The following MTMR7 variants were observed in gnomAD, a reference collection of about 807,000 sequenced individuals.
MTMR7 encodes the protein phosphatidylinositol-3-phosphate phosphatase MTMR7.
In MTMR7, 76 loss-of-function variants were observed where a neutral mutation model predicts 81.2. The ratio of observed to expected loss-of-function variants is 0.94; its 90% CI spans 0.78 to 1.13. The LOEUF is 1.13. Ranked by LOEUF, MTMR7 falls within the 50% of genes most tolerant of loss-of-function variation. The pLI is 0.00. For missense variants in MTMR7, 1,044 were observed against 820.0 expected, an observed-to-expected ratio of 1.27 and a Z score of -3.34; for synonymous variants, 372 against 289.8, an observed-to-expected ratio of 1.28 and a Z score of -2.88.
At chr8:17,328,366 A>G (rs979348137) in intron 7 of MTMR7, among the ~76,000 whole-genome samples, 1 of 152,200 alleles carries the variant, frequency 6.6e-6, no homozygotes, top group African/African-American at 2.4e-5. Flanking sequence ...CTCTGCTGAT[A>G]ATAATAGGCT....
At chr8:17,384,219 T>C (rs1820855364) in intron 1 of MTMR7, among the ~76,000 whole-genome samples, 1 of 152,118 alleles carries the variant, frequency 6.6e-6, no homozygotes, top group African/African-American at 2.4e-5. Context: ...GAGACCAGCC[T>C]GGGCAACAAG....
At chr8:17,315,579 G>A (rs1409098834) in intron 7 of MTMR7, among the ~76,000 whole-genome samples, 1 of 152,126 alleles carries the variant, frequency 6.6e-6, no homozygotes, top group African/African-American at 2.4e-5. Flanking sequence ...GGCTAGCTGG[G>A]ACTCTCCGTA....
At chr8:17,322,598 T>C (rs893336073) in intron 7 of MTMR7, among the ~76,000 whole-genome samples, 9 of 152,108 alleles carry the variant, frequency 5.9e-5, no homozygotes, top group South Asian at 2.1e-4. Flanking sequence ...GGCAGTAGGA[T>C]TGCTTGAGCC....
intron 1 of MTMR7, among the ~76,000 whole-genome samples, chr8:17,402,705 T>C (rs1220845652): frequency 6.6e-6 from 1 of 152,234 alleles, no homozygotes; most frequent in Admixed American, 6.5e-5. Context: ...CTTCTGTGAA[T>C]AATGCTGCCA....
intron 1 of MTMR7, among the ~76,000 whole-genome samples, chr8:17,374,595 T>G (rs1820516842): frequency 6.6e-6 from 1 of 151,846 alleles, no homozygotes; most frequent in Non-Finnish European, 1.5e-5. Context: ...TACCGTAGCC[T>G]GGCGACAGAG....
At position 17,297,887 on chromosome 8, in the gene MTMR7, C is replaced by CTGTCT. The variant is rs1368269922; in HGVS notation, c.*1970_*1974dup. On this transcript the variant is annotated 3_prime_UTR_variant, in exon 14 of 14. Transcript: ENST00000180173. ...GAACATGTTACATAAATTATAATGT[C>CTGTCT]TGTCTTGTAAAAAAGTTGAGGGGAC... 14 of 151,948 alleles carry CTGTCT rather than the reference C, an allele frequency of 9.2e-5. No individual in the cohort carries two copies. Among genetic ancestry groups the CTGTCT allele is most frequent in the African/African-American group, 2.7e-4 (11 of 41,416 alleles). The allele number at this position is 151,948 out of a possible 1,614,324, so 9.4% of individuals were successfully genotyped here.
intron 1 of MTMR7, among the ~76,000 whole-genome samples, chr8:17,390,896 G>A (rs1360615538): frequency 6.6e-6 from 1 of 152,192 alleles, no homozygotes; most frequent in Admixed American, 6.5e-5. Context: ...CCAACACGTG[G>A]GGATTACAAT....
intron 4 of MTMR7, among the ~76,000 whole-genome samples, chr8:17,359,139 C>G (rs1007617466): frequency 6.6e-6 from 1 of 152,060 alleles, no homozygotes; most frequent in Non-Finnish European, 1.5e-5. Context: ...CTCAAGCAGT[C>G]CCCTCGCCAT....
intron 3 of MTMR7, among the ~76,000 whole-genome samples, chr8:17,369,121 A>G (rs1175983694): frequency 6.6e-6 from 1 of 152,196 alleles, no homozygotes; most frequent in East Asian, 1.9e-4. Context: ...TTTATCGCCT[A>G]GTACTTCCAT....
At chr8:17,358,529 T>C (rs979025801) in intron 4 of MTMR7, among the ~76,000 whole-genome samples, 2 of 152,150 alleles carry the variant, frequency 1.3e-5, no homozygotes, top group East Asian at 1.9e-4. Flanking sequence ...TTTAGATAAA[T>C]GCGAAATTTC....
intron 1 of MTMR7, among the ~76,000 whole-genome samples, chr8:17,408,897 T>G (rs1354261665): frequency 6.6e-6 from 1 of 152,176 alleles, no homozygotes; most frequent in Non-Finnish European, 1.5e-5. Flanking sequence ...CAGATGGTGG[T>G]GATGTCTGCA....
At chr8:17,400,094 A>G (rs1018214609) in intron 1 of MTMR7, among the ~76,000 whole-genome samples, 1 of 151,730 alleles carries the variant, frequency 6.6e-6, no homozygotes, top group Non-Finnish European at 1.5e-5. Flanking sequence ...TAGATGAAGT[A>G]TGGTTTCTCA....
At chr8:17,351,227 A>T (rs551763900) in intron 4 of MTMR7, among the ~76,000 whole-genome samples, 4 of 152,360 alleles carry the variant, frequency 2.6e-5, no homozygotes, top group Admixed American at 6.5e-5. Flanking sequence ...GGAACTGCAA[A>T]GTTTCATGAT....
chr8:17,368,031 C>A (rs1820286135), intron 3 of MTMR7, among the ~76,000 whole-genome samples: 1 of 152,104 alleles, frequency 6.6e-6, no homozygotes, highest in Admixed American at 6.5e-5. Flanking sequence ...CGGTCCACAA[C>A]CTTTTCGGTA....
chr8:17,393,774 G>GATCT (rs566150493), intron 1 of MTMR7, among the ~76,000 whole-genome samples: 17 of 152,246 alleles, frequency 1.1e-4, no homozygotes, highest in Middle Eastern at 3.4e-3. Context: ...ATGACGAGAT[G>GATCT]ATCTGTACAA....
chr8:17,328,800 G>A (rs543404900), intron 7 of MTMR7, among the ~76,000 whole-genome samples: 2 of 152,266 alleles, frequency 1.3e-5, no homozygotes, highest in Non-Finnish European at 2.9e-5. Context: ...GGAAACTATC[G>A]TGAAAATCAC....
chr8:17,382,921 G>A (rs571090251), intron 1 of MTMR7, among the ~76,000 whole-genome samples: 1 of 152,286 alleles, frequency 6.6e-6, no homozygotes, highest in Admixed American at 6.5e-5. Flanking sequence ...ACAGTGATTA[G>A]GAGAATGCAG....
At position 17,313,318 on chromosome 8, in the gene MTMR7, T is replaced by C; in HGVS notation, c.949A>G (p.Met317Val). 1.2e-6 allele frequency: 2 copies of C among 1,613,082 alleles called. No homozygotes were observed. Among genetic ancestry groups the C allele is most frequent in the Non-Finnish European group, 1.7e-6 (2 of 1,179,140 alleles). Residue 317 changes from methionine to valine, a missense_variant, in exon 8 of 14, where the codon ATG becomes GTG. Transcript: ENST00000180173. ...SGWLRHIKAI[M>V]DAGIFIAKAV... ...TTTGCAATGAAGATTCCTGCATCCATTATGGCTTTAATGTGCCTTAACCAG... is the reference window on the plus strand; with the variant it reads ...TTTGCAATGAAGATTCCTGCATCCACTATGGCTTTAATGTGCCTTAACCAG...
chr8:17,386,367 G>C (rs551890716), intron 1 of MTMR7, among the ~76,000 whole-genome samples: 1 of 152,190 alleles, frequency 6.6e-6, no homozygotes, highest in Non-Finnish European at 1.5e-5. Flanking sequence ...AGCAGAGTGA[G>C]ACCTTGTCTC....
Sources: gnomAD v4.1 joint callset for allele counts (sites outside exome capture counted in the v4.1 genomes callset) on GRCh38, gnomAD v4.1.1 for gene constraint, MANE v1.5 for transcripts, NCBI Gene and HGNC (gene_info 2026-07-23, HGNC 2026-07-21) for gene names.